The following MGRN1 variants were observed in gnomAD, a reference collection of about 807,000 sequenced individuals.
The protein encoded by MGRN1 is E3 ubiquitin-protein ligase MGRN1.
MGRN1 carries 29 observed loss-of-function variants against 69.2 expected under a neutral mutation model. The ratio of observed to expected loss-of-function variants is 0.42; its 90% CI spans 0.31 to 0.57. The LOEUF is 0.57. Among genes scored for constraint, MGRN1 ranks in the 20% least tolerant of loss-of-function variants. MGRN1 has a pLI of 0.15. For missense variants in MGRN1, 998 were observed against 796.2 expected (o/e 1.25, Z -3.05); for synonymous variants, 470 against 344.2 (o/e 1.37, Z -4.04).
chr16:4,673,817 G>T (rs1463465868), intron 10 of MGRN1, among the ~76,000 whole-genome samples, 160 bp downstream of exon 10: 2 of 152,160 alleles, frequency 1.3e-5, no homozygotes, highest in African/African-American at 4.8e-5. Context: ...TTGGCTGTCG[G>T]AGTCAGTCAC....
At chr16:4,686,648 C>A in intron 16 of MGRN1, 1 of 1,121,244 alleles carries the variant, frequency 8.9e-7, no homozygotes, top group Non-Finnish European at 1.1e-6. Flanking sequence ...CTGTCCACTG[C>A]GGGAGGCAGG....
Position 4,681,767 on chromosome 16 carries a change from C to T in MGRN1, c.1349C>T (p.Ala450Val). The T allele has an allele frequency of 6.2e-7, 1 of 1,610,750 alleles. No individual in the cohort carries two copies. Among genetic ancestry groups the T allele is most frequent in the South Asian group, 1.1e-5 (1 of 90,952 alleles). The change falls in exon 13 of 17, where the codon GCC becomes GTC. Residue 450 changes from alanine (A) to valine (V), a missense_variant. Transcript: ENST00000262370. ...CAGAAGGGCAGGCCGCAGAGCAAGG[C>T]CCCCGACAGGTGAGCAGCAGCCAGG... is the stretch of plus-strand genomic sequence containing the variant. ...SRQKGRPQSKAPDSTLRSPSS... is the reference protein window; with the variant it reads ...SRQKGRPQSKVPDSTLRSPSS...
At chr16:4,653,774 CAG>C (rs1436486207) in intron 4 of MGRN1, among the ~76,000 whole-genome samples, 8 of 149,602 alleles carry the variant, frequency 5.3e-5, no homozygotes, top group Non-Finnish European at 1.0e-4. Context: ...GTTTTTGAGA[CAG>C]AGTTTCGCTC....
At chr16:4,681,011 C>A (rs1173441969) in intron 12 of MGRN1, among the ~76,000 whole-genome samples, 4 of 152,220 alleles carry the variant, frequency 2.6e-5, no homozygotes, top group Non-Finnish European at 5.9e-5. Flanking sequence ...CTTCCTCAGC[C>A]TTGTTGATTC....
intron 12 of MGRN1, 187 bp downstream of exon 12, chr16:4,680,284 G>A: frequency 1.7e-6 from 1 of 602,260 alleles, no homozygotes; most frequent in Non-Finnish European, 2.8e-6. Flanking sequence ...CGGTCCGTGG[G>A]CGAAACGCCA....
At position 4,680,334 on chromosome 16, in the gene MGRN1, C is replaced by T. The variant is rs566248190; in HGVS notation, c.1131+237C>T. ...GCCGCCCTCCCCTCAGCTTTGCCTC[C>T]GCCCCGCGTGGCCCCCGTGCCGTTT... is the stretch of plus-strand genomic sequence containing the variant. On this transcript the variant is annotated intron_variant, in intron 12 of 16. Transcript: ENST00000262370. 1.1e-4 allele frequency: 58 copies of T among 512,454 alleles called. 1 individual carries two copies. Among genetic ancestry groups the T allele is most frequent in the South Asian group, 4.9e-4 (20 of 40,922 alleles). 31.7% of individuals were successfully genotyped at this position (512,454 alleles called of 1,614,324 possible). A position where few individuals can be genotyped will look rare whatever the true frequency, so the allele number is the denominator to read the frequency against.
chr16:4,686,802 C>T lies in MGRN1; in HGVS notation c.1619-1994C>T, dbSNP rs978594602. The stretch of plus-strand genomic sequence containing the variant: ...CGGTCCTGCAGCAGACACGTTAGGA[C>T]GCTCAGCAGGTCCACTCCCGTGTTC... On this transcript the variant is annotated intron_variant, in intron 16 of 16. Coordinates refer to ENST00000262370, the MANE Select transcript of MGRN1 (RefSeq NM_015246.4). 1.5e-5 allele frequency: 15 copies of T among 988,166 alleles called. No individual in the cohort carries two copies. The South Asian group carries it at 1.9e-4, about 12-fold the overall frequency. 61.2% of individuals were successfully genotyped at this position (988,166 alleles called of 1,614,324 possible). A position where few individuals can be genotyped will look rare whatever the true frequency, so the allele number is the denominator to read the frequency against.
chr16:4,649,116 G>A (rs1297461859), intron 1 of MGRN1: 1 of 152,600 alleles, frequency 6.6e-6, no homozygotes, highest in Admixed American at 6.5e-5. Context: ...ATGCCTAAGT[G>A]TGCCAGGGTC....
chr16:4,687,916 C>T, intron 16 of MGRN1: 2 of 985,558 alleles, frequency 2.0e-6, no homozygotes, highest in African/African-American at 1.7e-5. Context: ...AGCCATTATA[C>T]CCCTAGATTG....
Position 4,664,757 on chromosome 16 carries a change from G to A in MGRN1, c.610G>A (p.Val204Met). The change falls in exon 6 of 17, where the codon GTG (valine) becomes ATG (methionine). Residue 204 changes from valine (V) to methionine (M), a missense_variant. Transcript: ENST00000262370. ...CGTGTTTCCAGTAGTCATCCAGGCT[G>A]TGGTGGACGAAGGAGATGGTGAGTG... ...RGVFPVVIQA[V>M]VDEGDVVEVT... 6.2e-7 allele frequency: 1 copy of A among 1,614,248 alleles called. No homozygotes were observed. Among genetic ancestry groups the A allele is most frequent in the East Asian group, 2.2e-5 (1 of 44,884 alleles).
At position 4,643,301 on chromosome 16, in the gene MGRN1, G is replaced by A. The variant is rs181551698; in HGVS notation, c.89-7064G>A. On this transcript the variant is annotated intron_variant, in intron 1 of 16. Coordinates refer to ENST00000262370, the MANE Select transcript of MGRN1 (RefSeq NM_015246.4). Reference sequence around the variant, plus strand: ...GGCAGAGATGGGGTTTTGCCATGTTGTCCAGGCAGGTCTCGAACTGCTGGG... The same window carrying A: ...GGCAGAGATGGGGTTTTGCCATGTTATCCAGGCAGGTCTCGAACTGCTGGG... Among the ~76,000 whole-genome samples the A allele has an allele frequency of 5.6e-4, 85 of 151,902 alleles. No individual in the cohort carries two copies. In the East Asian group the frequency reaches 0.015, roughly 27 times the overall value.
At chr16:4,687,122 C>T (rs1479224386) in intron 16 of MGRN1, 17 of 985,324 alleles carry the variant, frequency 1.7e-5, no homozygotes, top group African/African-American at 3.5e-5. Context: ...CCACTGCTGC[C>T]GACTCACCTG....
At chr16:4,631,675 A>G (rs938209505) in intron 1 of MGRN1, among the ~76,000 whole-genome samples, 2 of 152,190 alleles carry the variant, frequency 1.3e-5, no homozygotes, top group African/African-American at 2.4e-5. Context: ...AAGTTCTCCA[A>G]CTTTGTTCTC....
At chr16:4,654,423 C>T (rs1422678928) in intron 4 of MGRN1, among the ~76,000 whole-genome samples, 12 of 152,230 alleles carry the variant, frequency 7.9e-5, no homozygotes, top group African/African-American at 2.7e-4. Flanking sequence ...CCTTCTGGCC[C>T]TGAAAGTTTG....
rs1470865079 is a variant in MGRN1, at chr16:4,690,680, ATGTG to A, written c.*1777_*1780del. On this transcript the variant is annotated 3_prime_UTR_variant, in exon 17 of 17. Coordinates refer to ENST00000262370, the MANE Select transcript of MGRN1 (RefSeq NM_015246.4). ...CATACTCCTGCACATGTTCCCATGCATGTGTGTGCACTCGGACCGAGCATCTCCC... is the reference window on the plus strand; with the variant it reads ...CATACTCCTGCACATGTTCCCATGCATGTGCACTCGGACCGAGCATCTCCC... 6.6e-6 allele frequency: 1 copy of A among 152,040 alleles called. No homozygotes were observed. Among genetic ancestry groups the A allele is most frequent in the Non-Finnish European group, 1.5e-5 (1 of 68,010 alleles). The allele number at this position is 152,040 out of a possible 1,614,324, so 9.4% of individuals were successfully genotyped here.
intron 1 of MGRN1, among the ~76,000 whole-genome samples, chr16:4,638,071 A>G (rs1369944113): frequency 6.6e-6 from 1 of 152,200 alleles, no homozygotes; most frequent in Non-Finnish European, 1.5e-5. Flanking sequence ...AGGGACTTCT[A>G]GCCAGTGTGT....
At chr16:4,628,489 C>T (rs1897816885) in intron 1 of MGRN1, among the ~76,000 whole-genome samples, 1 of 152,080 alleles carries the variant, frequency 6.6e-6, no homozygotes, top group Non-Finnish European at 1.5e-5. Context: ...TAAAAGTTTC[C>T]TTCCATCTGT....
At chr16:4,629,233 T>C (rs920198160) in intron 1 of MGRN1, among the ~76,000 whole-genome samples, 20 of 151,434 alleles carry the variant, frequency 1.3e-4, no homozygotes, top group African/African-American at 4.4e-4. Context: ...TTTCAAAAAC[T>C]GGATTGTTTA....
chr16:4,673,670 G>T lies in MGRN1; in HGVS notation c.955+13G>T, dbSNP rs766190603. 1 of 1,611,514 alleles carries T rather than the reference G, an allele frequency of 6.2e-7. No homozygotes were observed. On this transcript the variant is annotated intron_variant, in intron 10 of 16. Transcript: ENST00000262370. The stretch of plus-strand genomic sequence containing the variant: ...ATCTGCCGGCTGCGTGAGTTCCCCG[G>T]CCGGCTGTTCTGTGGAAGGTTCTGG...
Sources: allele counts gnomAD v4.1 joint callset (sites outside exome capture counted in the v4.1 genomes callset), GRCh38; gene constraint gnomAD v4.1.1; transcripts MANE v1.5; gene names NCBI Gene and HGNC (gene_info 2026-07-23, HGNC 2026-07-21).